The following SATB2 variants were observed in gnomAD, a reference collection of about 807,000 sequenced individuals.
The protein encoded by SATB2 is SATB homeobox 2.
A neutral mutation model predicts 73.4 loss-of-function variants in SATB2; 1 was observed. The observed-to-expected ratio is 0.01, with a 90% confidence interval of 0.00 to 0.06. The LOEUF is 0.06. Ranked by LOEUF, SATB2 falls within the 10% of genes least tolerant of loss-of-function variation. SATB2 has a pLI of 1.00. For missense variants in SATB2, 459 were observed against 945.8 expected, an observed-to-expected ratio of 0.49 and a Z score of 6.75; for synonymous variants, 397 against 367.0, an observed-to-expected ratio of 1.08 and a Z score of -0.93.
intron 2 of SATB2, among the ~76,000 whole-genome samples, chr2:199,447,321 C>G (rs1017214198): frequency 2.0e-5 from 3 of 152,176 alleles, no homozygotes; most frequent in African/African-American, 7.2e-5. Flanking sequence ...AAGCAAGAGC[C>G]TCTGCATTTC....
At chr2:199,427,733 A>G (rs535637573) in intron 3 of SATB2, among the ~76,000 whole-genome samples, 1 of 152,206 alleles carries the variant, frequency 6.6e-6, no homozygotes, top group East Asian at 1.9e-4. Flanking sequence ...TATATGTTGC[A>G]TGTTTCCATA....
intron 3 of SATB2, among the ~76,000 whole-genome samples, chr2:199,418,994 C>A (rs903775996): frequency 6.6e-6 from 1 of 152,196 alleles, no homozygotes; most frequent in East Asian, 1.9e-4. Flanking sequence ...AAAACCAACA[C>A]GATACAGTGC....
rs1012445841 is a variant in SATB2 at position 199,464,241 on chromosome 2, G to A, written c.-141+595C>T. Among the ~76,000 whole-genome samples, 8 of 152,078 alleles carry A rather than the reference G, an allele frequency of 5.3e-5. No homozygotes were observed. Among genetic ancestry groups the A allele is most frequent in the African/African-American group, 1.9e-4 (8 of 41,440 alleles). On this transcript the variant is annotated intron_variant, in intron 1 of 11. Coordinates refer to the SATB2 transcript ENST00000260926. This position sits in a 1 kb window ranked among gnomAD's most constrained non-coding sequence, Gnocchi z 6.6. ...CTCGGGCTCAGTTCTCCCCCACCCC[G>A]TGGTGCCTTCCCTCCCCGCCCTACA...
At position 199,463,358 on chromosome 2, in the gene SATB2, A is replaced by C. The variant is rs998856647; in HGVS notation, c.-141+1478T>G. On this transcript the variant is annotated intron_variant, in intron 1 of 11. Coordinates refer to the SATB2 transcript ENST00000260926. This position sits in a 1 kb window ranked among gnomAD's most constrained non-coding sequence, Gnocchi z 6.4. ...GAGCCGCCGCTGCGTCCCCGCCCCC[A>C]GCTCGGAGCTGCCGGGGTTGGGGCC... Among the ~76,000 whole-genome samples the C allele has an allele frequency of 1.3e-5, 2 of 152,210 alleles. No individual in the cohort carries two copies. Among genetic ancestry groups the C allele is most frequent in the Admixed American group, 1.3e-4 (2 of 15,294 alleles).
chr2:199,416,012 G>A (rs747516977), intron 3 of SATB2, among the ~76,000 whole-genome samples: 2 of 152,230 alleles, frequency 1.3e-5, no homozygotes, highest in Non-Finnish European at 2.9e-5. Flanking sequence ...AGAGGTGGCT[G>A]TCAAAGGCAT....
intron 9 of SATB2, among the ~76,000 whole-genome samples, chr2:199,314,275 G>C (rs1234157840): frequency 6.6e-6 from 1 of 152,140 alleles, no homozygotes; most frequent in Admixed American, 6.5e-5. Context: ...ATAGTCATTA[G>C]ATTGAACCAA....
chr2:199,463,623 C>G lies in SATB2; in HGVS notation c.-141+1213G>C, dbSNP rs1692529246. Among the ~76,000 whole-genome samples the G allele has an allele frequency of 6.6e-6, 1 of 152,208 alleles. No homozygotes were observed. The highest frequency in any genetic ancestry group is 2.4e-5 in the African/African-American group (1 of 41,460). On this transcript the variant is annotated intron_variant, in intron 1 of 11. Transcript: ENST00000260926. This position sits in a 1 kb window ranked among gnomAD's most constrained non-coding sequence, Gnocchi z 6.4. Reference sequence around the variant, plus strand: ...GGCGCCGGCTCTGCCGGTCGCGTCCCGGAGCCAACCCTTCCGCGTCGCCTG... The same window carrying G: ...GGCGCCGGCTCTGCCGGTCGCGTCCGGGAGCCAACCCTTCCGCGTCGCCTG...
chr2:199,281,664 T>TC (rs1457679705), intron 10 of SATB2, among the ~76,000 whole-genome samples: 2 of 152,110 alleles, frequency 1.3e-5, no homozygotes, highest in Admixed American at 1.3e-4. Context: ...CCTCTAATAT[T>TC]CCCCTTTTTT....
chr2:199,393,560 C>T (rs1322951963), intron 3 of SATB2, among the ~76,000 whole-genome samples: 1 of 152,104 alleles, frequency 6.6e-6, no homozygotes, highest in Admixed American at 6.6e-5. Context: ...TACTGATAAT[C>T]TCCATGGCCC....
chr2:199,311,594 C>T (rs973906), intron 9 of SATB2, among the ~76,000 whole-genome samples: 20 of 152,102 alleles, frequency 1.3e-4, no homozygotes, highest in Non-Finnish European at 2.6e-4. Context: ...GGCCGTTATT[C>T]CCTCCTACGG....
intron 9 of SATB2, among the ~76,000 whole-genome samples, chr2:199,320,667 C>A (rs72929462): frequency 6.6e-6 from 1 of 152,184 alleles, no homozygotes; most frequent in Non-Finnish European, 1.5e-5. Flanking sequence ...AGTTTGCCAC[C>A]CTTTCAACTC....
chr2:199,340,749 G>A (rs777624376), intron 7 of SATB2, among the ~76,000 whole-genome samples: 8 of 152,122 alleles, frequency 5.3e-5, no homozygotes, highest in South Asian at 2.1e-4. Context: ...TATGAGGATC[G>A]CACCTAATTT....
At chr2:199,449,693 T>C (rs1411265834) in intron 2 of SATB2, among the ~76,000 whole-genome samples, 4 of 152,160 alleles carry the variant, frequency 2.6e-5, no homozygotes, top group African/African-American at 9.7e-5. Flanking sequence ...ATTTATCACA[T>C]TACATTTAAG....
chr2:199,459,066 G>A (rs1445737707), upstream of SATB2, among the ~76,000 whole-genome samples: 4 of 152,086 alleles, frequency 2.6e-5, no homozygotes, highest in Non-Finnish European at 5.9e-5. This position sits in a 1 kb window ranked among gnomAD's most constrained non-coding sequence, Gnocchi z 4.2. Flanking sequence ...TCGCCGCTCC[G>A]GCGACATCGC....
chr2:199,325,094 A>G (rs1357633561), intron 8 of SATB2, among the ~76,000 whole-genome samples: 1 of 152,184 alleles, frequency 6.6e-6, no homozygotes, highest in Non-Finnish European at 1.5e-5. Flanking sequence ...CTACGTTTCC[A>G]TAAAGGCTTT....
At chr2:199,443,501 G>C (rs1691878159) in intron 2 of SATB2, among the ~76,000 whole-genome samples, 1 of 138,750 alleles carries the variant, frequency 7.2e-6, no homozygotes, top group Admixed American at 7.4e-5. Flanking sequence ...AGAATGGAGA[G>C]ATTTTTATCA....
At chr2:199,291,526 G>T (rs897957237) in intron 10 of SATB2, among the ~76,000 whole-genome samples, 3 of 152,084 alleles carry the variant, frequency 2.0e-5, no homozygotes, top group Non-Finnish European at 4.4e-5. Flanking sequence ...TACCCTTACT[G>T]AGAGTACAGT....
intron 2 of SATB2, among the ~76,000 whole-genome samples, chr2:199,439,360 T>C (rs1691742092): frequency 1.3e-5 from 2 of 152,196 alleles, no homozygotes; most frequent in South Asian, 4.1e-4. Flanking sequence ...CATCTGTCTC[T>C]TGAAGGAAGG....
intron 3 of SATB2, among the ~76,000 whole-genome samples, chr2:199,403,978 G>T (rs1248224683): frequency 6.6e-6 from 1 of 152,184 alleles, no homozygotes; most frequent in Non-Finnish European, 1.5e-5. Context: ...ATTATTCCTG[G>T]CTGGAGAAAG....
Sources: allele counts gnomAD v4.1 joint callset (sites outside exome capture counted in the v4.1 genomes callset), GRCh38; gene constraint gnomAD v4.1.1; non-coding constraint Gnocchi (gnomAD v3.1); transcripts MANE v1.5; gene names NCBI Gene and HGNC (gene_info 2026-07-23, HGNC 2026-07-21).